NTRK3: variants seen among roughly 807,000 people sequenced by gnomAD.
NTRK3 encodes neurotrophic receptor tyrosine kinase 3.
NTRK3 carries 24 observed loss-of-function variants against 91.7 expected under a neutral mutation model. That is an observed-to-expected ratio of 0.26 (90% CI 0.19 to 0.37). The LOEUF (loss-of-function observed/expected upper bound fraction) is 0.37. Among genes scored for constraint, NTRK3 ranks in the 10% least tolerant of loss-of-function variants. The probability of loss-of-function intolerance (pLI) is 1.00; values close to 1 mark genes in which losing one functional copy is unlikely to be tolerated. For missense variants in NTRK3, 880 were observed against 1,068.9 expected (o/e 0.82, Z 2.46); for synonymous variants, 483 against 404.0 (o/e 1.20, Z -2.34).
At chr15:88,239,985 G>A (rs569210810) in intron 3 of NTRK3, among the ~76,000 whole-genome samples, 1 of 151,926 alleles carries the variant, frequency 6.6e-6, no homozygotes, top group Non-Finnish European at 1.5e-5. Flanking sequence ...GCGCATGCAC[G>A]CCAAAGCTTA....
intron 2 of NTRK3, 43 bp from the exon 3 acceptor site, chr15:88,256,211 G>C: frequency 1.5e-6 from 1 of 688,830 alleles, no homozygotes; most frequent in Non-Finnish European, 2.4e-6. Flanking sequence ...TGGGGTGGGG[G>C]GAGTGGGGAG....
At chr15:87,906,687 A>T (rs956655701) in intron 17 of NTRK3, among the ~76,000 whole-genome samples, 20 of 152,186 alleles carry the variant, frequency 1.3e-4, no homozygotes, top group Non-Finnish European at 2.1e-4. Flanking sequence ...TAAATAAACT[A>T]AAATATTTCG....
At chr15:88,148,024 A>G (rs2043041087) in intron 5 of NTRK3, among the ~76,000 whole-genome samples, 1 of 152,246 alleles carries the variant, frequency 6.6e-6, no homozygotes, top group South Asian at 2.1e-4. Flanking sequence ...CAGGCTCAAC[A>G]AACAACTTTT....
At chr15:87,967,941 C>T (rs2072927972) in intron 14 of NTRK3, among the ~76,000 whole-genome samples, 1 of 152,186 alleles carries the variant, frequency 6.6e-6, no homozygotes, top group Non-Finnish European at 1.5e-5. Context: ...CAAAGGGACT[C>T]AGGTTTGATT....
At position 88,223,553 on chromosome 15, in the gene NTRK3, C is replaced by A. The variant is rs143521943; in HGVS notation, c.248+32353G>T. Among the ~76,000 whole-genome samples the A allele has an allele frequency of 3.3e-3, 497 of 152,342 alleles. 7 individuals carry two copies. The East Asian group carries it at 0.045, about 14-fold the overall frequency. On this transcript the variant is annotated intron_variant, in intron 3 of 18. Transcript: ENST00000394480. ...CCAGGGGCCAGAAGCAGGCCTGGGG[C>A]AGCCCTAGGTAAGGAGGCAGCATTC...
At chr15:88,103,342 C>T (rs2050368529) in intron 13 of NTRK3, among the ~76,000 whole-genome samples, 1 of 152,150 alleles carries the variant, frequency 6.6e-6, no homozygotes, top group Non-Finnish European at 1.5e-5. Flanking sequence ...AATATCAACT[C>T]CTGCCTGAGT....
chr15:88,183,012 A>ACCACC (rs2046631259), intron 5 of NTRK3, among the ~76,000 whole-genome samples: 2 of 119,882 alleles, frequency 1.7e-5, no homozygotes, highest in African/African-American at 3.1e-5. Context: ...TCTTCTTGCA[A>ACCACC]CCCCCCCCCG....
intron 10 of NTRK3, among the ~76,000 whole-genome samples, chr15:88,131,753 T>C (rs188924858): frequency 1.3e-5 from 2 of 152,340 alleles, no homozygotes; most frequent in East Asian, 3.9e-4. Context: ...TTAAGGCCTT[T>C]GCCAGGGCCT....
At chr15:88,055,803 G>C (rs1412879056) in intron 13 of NTRK3, among the ~76,000 whole-genome samples, 2 of 152,100 alleles carry the variant, frequency 1.3e-5, no homozygotes, top group Non-Finnish European at 2.9e-5. Context: ...GCATTTAAAC[G>C]GGGCAGCCTC....
intron 3 of NTRK3, among the ~76,000 whole-genome samples, chr15:88,217,409 T>A (rs2049876164): frequency 6.6e-6 from 1 of 152,220 alleles, no homozygotes; most frequent in Non-Finnish European, 1.5e-5. Context: ...CATGGACTAC[T>A]ATCCAGCCTT....
At chr15:87,876,885 G>T (rs778777227) in exon 19 of NTRK3, 2 of 1,592,832 alleles carry the variant, frequency 1.3e-6, no homozygotes, top group Non-Finnish European at 1.7e-6. Flanking sequence ...GAGATGTGAG[G>T]CAGGGAGAGA....
intron 13 of NTRK3, among the ~76,000 whole-genome samples, chr15:88,076,632 T>TA (rs1264731373): frequency 6.8e-6 from 1 of 146,696 alleles, no homozygotes; most frequent in Non-Finnish European, 1.5e-5. Context: ...CACAGAGCAT[T>TA]AGGAGGGAGC....
At chr15:87,972,734 T>C (rs2073361112) in intron 14 of NTRK3, among the ~76,000 whole-genome samples, 1 of 152,188 alleles carries the variant, frequency 6.6e-6, no homozygotes, top group Non-Finnish European at 1.5e-5. Flanking sequence ...GGAAGGCTCA[T>C]GTATCTTGGT....
chr15:88,177,167 A>G (rs1437764010), intron 5 of NTRK3, among the ~76,000 whole-genome samples: 1 of 152,236 alleles, frequency 6.6e-6, no homozygotes, highest in Non-Finnish European at 1.5e-5. Context: ...AGGGAGACAG[A>G]AACTATATCC....
intron 14 of NTRK3, among the ~76,000 whole-genome samples, chr15:88,007,161 C>T (rs1359562226): frequency 6.6e-6 from 1 of 152,182 alleles, no homozygotes; most frequent in Non-Finnish European, 1.5e-5. Flanking sequence ...AGGTATGATA[C>T]AATGATAGCT....
At chr15:88,062,310 A>G (rs2046291702) in intron 13 of NTRK3, among the ~76,000 whole-genome samples, 1 of 152,232 alleles carries the variant, frequency 6.6e-6, no homozygotes, top group Non-Finnish European at 1.5e-5. Context: ...TCCATAAATG[A>G]TAACAGTTTC....
intron 14 of NTRK3, among the ~76,000 whole-genome samples, chr15:87,952,810 G>A (rs1317685575): frequency 1.3e-5 from 2 of 151,884 alleles, no homozygotes; most frequent in East Asian, 1.9e-4. Context: ...TCCCACTCCC[G>A]GAGCCAGGGC....
chr15:87,992,147 C>A (rs1179599501), intron 14 of NTRK3, among the ~76,000 whole-genome samples: 1 of 152,170 alleles, frequency 6.6e-6, no homozygotes, highest in African/African-American at 2.4e-5. Flanking sequence ...CACTCAGAAG[C>A]CACCAGTGAC....
chr15:87,906,097 T>A (rs1445343969), intron 17 of NTRK3, among the ~76,000 whole-genome samples: 4 of 152,244 alleles, frequency 2.6e-5, no homozygotes, highest in African/African-American at 9.6e-5. Context: ...GGAAAGATGC[T>A]GAGGCTAACT....
Sources: allele counts gnomAD v4.1 joint callset (sites outside exome capture counted in the v4.1 genomes callset), GRCh38; gene constraint gnomAD v4.1.1; transcripts MANE v1.5; gene names NCBI Gene and HGNC (gene_info 2026-07-23, HGNC 2026-07-21).